The following NPEPPS variants were observed in gnomAD, a reference collection of about 807,000 sequenced individuals.
NPEPPS encodes aminopeptidase puromycin sensitive.
NPEPPS carries 14 observed loss-of-function variants against 115.5 expected under a neutral mutation model. That is an observed-to-expected ratio of 0.12 (90% CI 0.08 to 0.19). The LOEUF (loss-of-function observed/expected upper bound fraction) is 0.19, where lower values mean the gene tolerates loss of function less well. NPEPPS is among the 10% of genes least tolerant of loss of function. NPEPPS has a pLI of 1.00. For missense variants in NPEPPS, 523 were observed against 1,110.8 expected (o/e 0.47, Z 7.52); for synonymous variants, 285 against 390.6 (o/e 0.73, Z 3.19).
intron 2 of NPEPPS, among the ~76,000 whole-genome samples, chr17:47,564,085 A>G (rs1910635281): frequency 6.6e-6 from 1 of 151,808 alleles, no homozygotes; most frequent in African/African-American, 2.4e-5. Flanking sequence ...GGCGCACGCC[A>G]CCATGCCCTG....
intron 1 of NPEPPS, among the ~76,000 whole-genome samples, chr17:47,539,244 C>T (rs1908576599): frequency 1.3e-5 from 2 of 152,030 alleles, no homozygotes; most frequent in African/African-American, 4.8e-5. Flanking sequence ...TGAGCCTGCT[C>T]TTATTGTGAA....
rs1034725228 is a variant in NPEPPS at position 47,531,295 on chromosome 17, C to G, written c.-6C>G. ...CTCTCCTCCGGCGGTCGCCCGCGCTCGGTGGATGTGGCTGGCAGCTGCCGC... is the reference window on the plus strand; with the variant it reads ...CTCTCCTCCGGCGGTCGCCCGCGCTGGGTGGATGTGGCTGGCAGCTGCCGC... On this transcript the variant is annotated 5_prime_UTR_variant, in exon 1 of 23. Transcript: ENST00000322157. The G allele has an allele frequency of 2.0e-6, 3 of 1,484,538 alleles. No individual in the cohort carries two copies. Among genetic ancestry groups the G allele is most frequent in the Admixed American group, 4.1e-5 (2 of 48,814 alleles). The allele number at this position is 1,484,538 out of a possible 1,614,324, so 92.0% of individuals were successfully genotyped here.
At chr17:47,578,135 G>A (rs1349914784) in intron 3 of NPEPPS, among the ~76,000 whole-genome samples, 1 of 151,348 alleles carries the variant, frequency 6.6e-6, no homozygotes, top group East Asian at 1.9e-4. Context: ...CCAGGAGGCG[G>A]AGGCTGCAGT....
intron 19 of NPEPPS, among the ~76,000 whole-genome samples, chr17:47,614,959 T>G (rs1211573176): frequency 1.3e-5 from 2 of 152,196 alleles, no homozygotes; most frequent in Non-Finnish European, 2.9e-5. Context: ...TCTGATATTT[T>G]GGTTTTAAAC....
At chr17:47,620,096 C>T in intron 22 of NPEPPS, 1 of 198,914 alleles carries the variant, frequency 5.0e-6, no homozygotes, top group Middle Eastern at 2.1e-3. Context: ...CGCCTCTAAT[C>T]CCAGCTACTC....
intron 2 of NPEPPS, among the ~76,000 whole-genome samples, chr17:47,558,828 A>T (rs1208027166): frequency 6.6e-6 from 1 of 151,908 alleles, no homozygotes; most frequent in Non-Finnish European, 1.5e-5. Flanking sequence ...AGGTCAGGAG[A>T]TCGAGACCAT....
chr17:47,547,544 G>A (rs1398140156), intron 2 of NPEPPS, among the ~76,000 whole-genome samples: 10 of 151,894 alleles, frequency 6.6e-5, no homozygotes, highest in Middle Eastern at 6.8e-3. Context: ...ATAGATATGG[G>A]GGGGTGGTCT....
chr17:47,560,255 T>C (rs1910342353), intron 2 of NPEPPS, among the ~76,000 whole-genome samples: 2 of 152,014 alleles, frequency 1.3e-5, no homozygotes, highest in African/African-American at 4.8e-5. Flanking sequence ...ACAAATTAAG[T>C]AACCCTGTAA....
chr17:47,549,631 T>C (rs1035651211), intron 2 of NPEPPS, among the ~76,000 whole-genome samples: 2 of 151,200 alleles, frequency 1.3e-5, no homozygotes, highest in African/African-American at 4.9e-5. Flanking sequence ...AACACAAAAA[T>C]TAGCTGGGCG....
chr17:47,531,737 T>C (rs1217168294), intron 1 of NPEPPS, among the ~76,000 whole-genome samples, 182 bp downstream of exon 1: 4 of 58,174 alleles, frequency 6.9e-5, no homozygotes, highest in East Asian at 8.3e-4. Context: ...GGGCTGGGGC[T>C]GGGGCCGGGG....
At chr17:47,619,831 AAAC>A in intron 22 of NPEPPS, 47 bp downstream of exon 22, 1 of 1,378,888 alleles carries the variant, frequency 7.3e-7, no homozygotes, top group Non-Finnish European at 1.0e-6. Flanking sequence ...TAGTAAGTAA[AAAC>A]AATAACCTGG....
chr17:47,566,503 T>A (rs576070532), intron 2 of NPEPPS, among the ~76,000 whole-genome samples: 112 of 150,370 alleles, frequency 7.4e-4, no homozygotes, highest in African/African-American at 2.6e-3. Context: ...TGTAGGTTTT[T>A]TGTTTTTTTT....
intron 16 of NPEPPS, among the ~76,000 whole-genome samples, chr17:47,604,518 G>T (rs1913404567): frequency 6.6e-6 from 1 of 152,226 alleles, no homozygotes; most frequent in Admixed American, 6.5e-5. Context: ...AGGATTTAAA[G>T]CAGCAATTAG....
intron 1 of NPEPPS, among the ~76,000 whole-genome samples, chr17:47,540,593 A>G (rs1249954756): frequency 6.6e-6 from 1 of 152,252 alleles, no homozygotes; most frequent in African/African-American, 2.4e-5. Context: ...GGTAGTACAC[A>G]TGTGCTGATA....
At chr17:47,613,188 T>C (rs1470506325) in intron 18 of NPEPPS, among the ~76,000 whole-genome samples, 1 of 152,080 alleles carries the variant, frequency 6.6e-6, no homozygotes, top group African/African-American at 2.4e-5. Flanking sequence ...GCCATTTACC[T>C]TTGTGGTTGC....
intron 22 of NPEPPS, 109 bp from the exon 23 acceptor site, chr17:47,621,659 C>T (rs1914581205): frequency 1.9e-6 from 2 of 1,067,034 alleles, no homozygotes; most frequent in Non-Finnish European, 2.6e-6. Context: ...ATTCTCATGC[C>T]TGAAGATTAT....
chr17:47,575,408 G>A (rs1336941988), intron 3 of NPEPPS, among the ~76,000 whole-genome samples: 2 of 151,528 alleles, frequency 1.3e-5, no homozygotes, highest in African/African-American at 4.8e-5. Flanking sequence ...CATGCTAAAT[G>A]GTGAAGCTAT....
chr17:47,593,540 A>G (rs1273834635), intron 12 of NPEPPS, among the ~76,000 whole-genome samples: 2 of 152,098 alleles, frequency 1.3e-5, no homozygotes, highest in Non-Finnish European at 2.9e-5. Context: ...AGCCTGGGCA[A>G]CAGAACAAGA....
At chr17:47,541,245 A>G (rs574709385) in intron 1 of NPEPPS, among the ~76,000 whole-genome samples, 1 of 152,330 alleles carries the variant, frequency 6.6e-6, no homozygotes, top group African/African-American at 2.4e-5. Context: ...GTGGTTGCCT[A>G]GATAATGATT....
Sources: gnomAD v4.1 joint callset for allele counts (sites outside exome capture counted in the v4.1 genomes callset) on GRCh38, gnomAD v4.1.1 for gene constraint, MANE v1.5 for transcripts, NCBI Gene and HGNC (gene_info 2026-07-23, HGNC 2026-07-21) for gene names.